Variants in FRMPD4 observed in about 807,000 individuals in gnomAD.
The protein encoded by FRMPD4 is FERM and PDZ domain-containing protein 4.
In FRMPD4, 22 loss-of-function variants were observed where a neutral mutation model predicts 94.1. That is an observed-to-expected ratio of 0.23 (90% CI 0.17 to 0.33). The LOEUF (loss-of-function observed/expected upper bound fraction) is 0.33. Ranked by LOEUF, FRMPD4 falls within the 10% of genes least tolerant of loss-of-function variation. FRMPD4 has a pLI of 1.00. For synonymous variants in FRMPD4, 631 were observed against 548.6 expected, an observed-to-expected ratio of 1.15 and a Z score of -2.10; for missense variants, 1,111 against 1,339.9, an observed-to-expected ratio of 0.83 and a Z score of 2.67.
chrX:12,595,216 A>G (rs1388114937), intron 2 of FRMPD4, among the ~76,000 whole-genome samples: 1 of 111,938 alleles, frequency 8.9e-6, no homozygotes, highest in East Asian at 2.8e-4. Context: ...ATAAAGAGCT[A>G]TAATGCCCTT....
chrX:11,829,527 G>A (rs900674335), intron 1 of FRMPD4, among the ~76,000 whole-genome samples: 9 of 112,140 alleles, frequency 8.0e-5, no homozygotes, highest in African/African-American at 2.9e-4. Context: ...ATACACCCAT[G>A]TAACAAACCT....
intron 3 of FRMPD4, among the ~76,000 whole-genome samples, chrX:11,895,999 A>T (rs2053901318): frequency 8.9e-6 from 1 of 112,381 alleles, no homozygotes; most frequent in Admixed American, 9.4e-5. Context: ...TAAGGGCTCA[A>T]AGATTCTTTC....
intron 1 of FRMPD4, among the ~76,000 whole-genome samples, chrX:12,477,654 T>A (rs1189602562): frequency 1.8e-5 from 2 of 112,346 alleles, no homozygotes; most frequent in Admixed American, 9.4e-5. Context: ...GTGAGATTTT[T>A]AAGAATAATT....
chrX:11,875,936 C>T (rs113690518), intron 2 of FRMPD4, among the ~76,000 whole-genome samples: 1 of 88,457 alleles, frequency 1.1e-5, no homozygotes, highest in Non-Finnish European at 2.1e-5. Context: ...AGTGCAGTGG[C>T]GCGATCTCGG....
intron 1 of FRMPD4, among the ~76,000 whole-genome samples, chrX:12,478,050 C>T (rs1275055301): frequency 3.6e-5 from 4 of 112,455 alleles, no homozygotes; most frequent in African/African-American, 6.5e-5. Context: ...AGGCTCTCAG[C>T]TTCCACTGTG....
At chrX:11,850,707 A>G (rs754072356) in intron 1 of FRMPD4, among the ~76,000 whole-genome samples, 1 of 112,452 alleles carries the variant, frequency 8.9e-6, no homozygotes, top group Non-Finnish European at 1.9e-5. Flanking sequence ...CCAGTCACAA[A>G]AAGACAAGTA....
intron 3 of FRMPD4, among the ~76,000 whole-genome samples, chrX:12,077,739 C>T (rs768890243): frequency 1.4e-4 from 15 of 110,629 alleles, no homozygotes; most frequent in South Asian, 3.9e-4. Context: ...TGCTGTTCCT[C>T]GCCCCAAGCA....
intron 16 of FRMPD4, 40 bp downstream of exon 16, chrX:12,718,830 A>T: frequency 6.1e-6 from 5 of 814,577 alleles, no homozygotes; most frequent in Non-Finnish European, 9.1e-6. Flanking sequence ...ATGACATGCC[A>T]AGAGCATGTA....
chrX:12,097,349 A>AT (rs970782417), intron 3 of FRMPD4, among the ~76,000 whole-genome samples: 3 of 112,202 alleles, frequency 2.7e-5, no homozygotes, highest in Non-Finnish European at 3.8e-5. Flanking sequence ...GTGAACCTTA[A>AT]TTTTCATTCA....
chrX:11,825,190 T>TTGTGTGTGTGTG (rs747320680), intron 1 of FRMPD4, among the ~76,000 whole-genome samples: 24 of 80,163 alleles, frequency 3.0e-4, no homozygotes, highest in South Asian at 7.4e-4. Flanking sequence ...TGTGTCTTCT[T>TTGTGTGTGTGTG]TGTGTGTGTG....
At chrX:12,013,881 G>A (rs2054592531) in intron 3 of FRMPD4, among the ~76,000 whole-genome samples, 1 of 113,093 alleles carries the variant, frequency 8.8e-6, no homozygotes, top group East Asian at 2.7e-4. Context: ...AGCCCATTAT[G>A]TAAATCACAA....
chrX:12,133,128 C>T (rs1486195249), intron 3 of FRMPD4, among the ~76,000 whole-genome samples: 1 of 111,516 alleles, frequency 9.0e-6, no homozygotes, highest in African/African-American at 3.3e-5. Flanking sequence ...GCTTTCAGAG[C>T]AGTGGAGTTC....
rs7055396 is a variant in FRMPD4 at position 12,456,634 on chromosome X, A to G, written c.42-42046A>G. ...TTGTCTTAAATAAGAATTACTCTTT[A>G]TGTATAAAATGACCAGAGGATAAAT... On this transcript the variant is annotated intron_variant, in intron 1 of 16. Transcript: ENST00000675598. Among the ~76,000 whole-genome samples, 490 of 112,594 alleles carry G rather than the reference A, an allele frequency of 4.4e-3. 2 individuals carry two copies. The highest frequency in any genetic ancestry group is 0.026 in the South Asian group (71 of 2,714).
At chrX:12,337,894 ATTACC>A (rs1314897062) in intron 1 of FRMPD4, among the ~76,000 whole-genome samples, 3 of 112,475 alleles carry the variant, frequency 2.7e-5, no homozygotes, top group Non-Finnish European at 5.6e-5. Context: ...GCTATAACAA[ATTACC>A]TTAACTTATA....
Position 12,459,757 on chromosome X carries a change from C to A in FRMPD4, c.42-38923C>A, listed in dbSNP as rs1203691298. On this transcript the variant is annotated intron_variant, in intron 1 of 16. Transcript: ENST00000675598. Reference sequence around the variant, plus strand: ...TTATTATGCATATCGCTGCTATGAACTACCATGTAGAAGTCTGTGTAGAGA... The same window carrying A: ...TTATTATGCATATCGCTGCTATGAAATACCATGTAGAAGTCTGTGTAGAGA... 2.7e-5 allele frequency among the ~76,000 whole-genome samples: 3 copies of A among 111,885 alleles called. No individual in the cohort carries two copies. The South Asian group carries it at 1.1e-3, about 42-fold the overall frequency.
chrX:12,713,152 C>T lies in FRMPD4; in HGVS notation c.1609+2615C>T, dbSNP rs192534530. Among the ~76,000 whole-genome samples, 566 of 111,046 alleles carry T rather than the reference C, an allele frequency of 5.1e-3. 3 individuals carry two copies. Among genetic ancestry groups the T allele is most frequent in the Middle Eastern group, 0.023 (5 of 216 alleles). On this transcript the variant is annotated intron_variant, in intron 14 of 16. Coordinates refer to ENST00000675598, the MANE Select transcript of FRMPD4 (RefSeq NM_001368397.1). Reference sequence around the variant, plus strand: ...GTTCAGCAATTTGACACAATTGTTTCCCACTGGAAAACCAATTTTTGGCTT... The same window carrying T: ...GTTCAGCAATTTGACACAATTGTTTTCCACTGGAAAACCAATTTTTGGCTT...
chrX:12,382,393 C>A lies in FRMPD4; in HGVS notation c.42-116287C>A, dbSNP rs146247964. ...GGGCTCAGAGGAAATGCTGTGAGTG[C>A]CCACTGTGGATTGCATACTTGGGGA... On this transcript the variant is annotated intron_variant, in intron 1 of 16. Coordinates refer to ENST00000675598, the MANE Select transcript of FRMPD4 (RefSeq NM_001368397.1). Among the ~76,000 whole-genome samples, 497 of 110,729 alleles carry A rather than the reference C, an allele frequency of 4.5e-3. 1 individual carries two copies. Among genetic ancestry groups the A allele is most frequent in the African/African-American group, 0.014 (435 of 30,452 alleles).
intron 2 of FRMPD4, among the ~76,000 whole-genome samples, chrX:12,567,213 T>C (rs753249254): frequency 5.3e-5 from 6 of 112,233 alleles, no homozygotes; most frequent in African/African-American, 1.6e-4. Flanking sequence ...CCTACCATTC[T>C]GTACCTAAGG....
intron 3 of FRMPD4, among the ~76,000 whole-genome samples, chrX:12,027,688 G>A (rs1162877154): frequency 1.8e-5 from 2 of 111,905 alleles, no homozygotes; most frequent in African/African-American, 3.2e-5. Flanking sequence ...TATTGACATC[G>A]AATGAAATAT....
Sources: allele counts gnomAD v4.1 joint callset (sites outside exome capture counted in the v4.1 genomes callset), GRCh38; gene constraint gnomAD v4.1.1; transcripts MANE v1.5; gene names NCBI Gene and HGNC (gene_info 2026-07-23, HGNC 2026-07-21).